DIS3L: variants seen among roughly 807,000 people sequenced by gnomAD.
DIS3L encodes the protein DIS3 like exosome 3'-5' exoribonuclease.
DIS3L carries 100 observed loss-of-function variants against 120.3 expected under a neutral mutation model. That is an observed-to-expected ratio of 0.83 (90% CI 0.71 to 0.98). DIS3L has a LOEUF of 0.98. DIS3L is among the 50% of genes least tolerant of loss of function. The probability of loss-of-function intolerance (pLI) is 0.00; values close to 1 mark genes in which losing one functional copy is unlikely to be tolerated. For missense variants in DIS3L, 1,196 were observed against 1,314.2 expected, an observed-to-expected ratio of 0.91 and a Z score of 1.39; for synonymous variants, 426 against 470.6, an observed-to-expected ratio of 0.91 and a Z score of 1.23.
chr15:66,293,657 A>C lies in DIS3L; in HGVS notation c.61A>C (p.Ile21Leu). Reference protein sequence around the residue: ...LRTFQGRTLRIVREHYLRPCV... With the variant: ...LRTFQGRTLRLVREHYLRPCV... ...GACCTTCCAGGGCCGCACGCTGCGG[A>C]TCGTGCGCGAGCACTACCTGCGGCC... The change falls in exon 1 of 17, where the codon ATC becomes CTC. Residue 21 changes from isoleucine (I) to leucine (L), a missense_variant. Ile to Leu is a conservative substitution (Grantham distance 5). Coordinates refer to ENST00000319212, the MANE Select transcript of DIS3L (RefSeq NM_001143688.3). 6.3e-6 allele frequency: 9 copies of C among 1,433,554 alleles called. No individual in the cohort carries two copies. Among genetic ancestry groups the C allele is most frequent in the Non-Finnish European group, 6.4e-6 (7 of 1,093,424 alleles). 88.8% of individuals were successfully genotyped at this position (1,433,554 alleles called of 1,614,324 possible). A position where few individuals can be genotyped will look rare whatever the true frequency, so the allele number is the denominator to read the frequency against.
chr15:66,320,544 T>G (rs368216174), intron 8 of DIS3L, 27 bp from the exon 9 acceptor site: 62 of 1,600,516 alleles, frequency 3.9e-5, no homozygotes, highest in Admixed American at 6.9e-5. Flanking sequence ...GGTGCTCAGC[T>G]GTGTTTTATT....
Position 66,324,954 on chromosome 15 carries a change from T to C in DIS3L, c.1668-877T>C, listed in dbSNP as rs1001482190. Among the ~76,000 whole-genome samples, 45 of 152,322 alleles carry C rather than the reference T, an allele frequency of 3.0e-4. 1 individual carries two copies. The highest frequency in any genetic ancestry group is 4.4e-5 in the Non-Finnish European group (3 of 68,036). On this transcript the variant is annotated intron_variant, in intron 11 of 16. Transcript: ENST00000319212. Reference sequence around the variant, plus strand: ...AAAATGACTTGGTGGCAAAGAGTTTTTTTACTAAATGAAATTTTTGCTAAT... The same window carrying C: ...AAAATGACTTGGTGGCAAAGAGTTTCTTTACTAAATGAAATTTTTGCTAAT...
intron 4 of DIS3L, among the ~76,000 whole-genome samples, chr15:66,309,606 T>G (rs551402550): frequency 1.3e-5 from 2 of 152,054 alleles, no homozygotes; most frequent in African/African-American, 4.8e-5. Flanking sequence ...ATCTTATTGG[T>G]AAGGAAATGG....
At chr15:66,326,393 TG>T in intron 12 of DIS3L, 29 bp downstream of exon 12, 1 of 1,599,528 alleles carries the variant, frequency 6.3e-7, no homozygotes, top group Non-Finnish European at 8.5e-7. Flanking sequence ...GGCAGAGGAA[TG>T]GAGTGGCATG....
At chr15:66,315,333 CAAA>C in intron 7 of DIS3L, 118 bp downstream of exon 7, 1 of 982,286 alleles carries the variant, frequency 1.0e-6, no homozygotes, top group African/African-American at 1.6e-5. Flanking sequence ...TTTAAATTGA[CAAA>C]AACTGTATTT....
At chr15:66,303,926 TAAAAATACA>T (rs1479992260) in intron 2 of DIS3L, among the ~76,000 whole-genome samples, 226 of 150,284 alleles carry the variant, frequency 1.5e-3, no homozygotes, top group Admixed American at 4.1e-3. Flanking sequence ...CCGTCGCTAC[TAAAAATACA>T]AAAAATTAGC....
chr15:66,296,747 C>G (rs1401673508), intron 2 of DIS3L, among the ~76,000 whole-genome samples: 1 of 152,150 alleles, frequency 6.6e-6, no homozygotes, highest in Non-Finnish European at 1.5e-5. Flanking sequence ...TTGTGTTGAA[C>G]TCCTTACCTC....
In DIS3L at chr15:66,325,925, CTG is replaced by C; in HGVS notation, c.1764_1765del (p.Phe589LeufsTer2). On this transcript the variant is annotated frameshift_variant, in exon 12 of 17. Transcript: ENST00000319212. LOFTEE classifies it high-confidence loss of function. ...AACCATTATTCGATCAGCATACAAA[CTG>C]TTCTATGAAGCAGCCCAAGAACTAC... ...GRTIIRSAYK[L>X]FYEAAQELLD... 6.2e-7 allele frequency: 1 copy of C among 1,614,186 alleles called. No homozygotes were observed.
At chr15:66,305,313 T>A (rs191998324) in intron 2 of DIS3L, among the ~76,000 whole-genome samples, 1 of 152,090 alleles carries the variant, frequency 6.6e-6, no homozygotes, top group East Asian at 1.9e-4. Flanking sequence ...TGAAATCTAT[T>A]TCTTGTTTTC....
chr15:66,326,463 A>G, intron 12 of DIS3L, 99 bp downstream of exon 12: 1 of 1,315,992 alleles, frequency 7.6e-7, no homozygotes, highest in Non-Finnish European at 1.0e-6. Flanking sequence ...TCTTTGACCA[A>G]AAAGAGAAAA....
intron 2 of DIS3L, among the ~76,000 whole-genome samples, chr15:66,304,994 A>ATTTCTTTT (rs2092688726): frequency 7.2e-6 from 1 of 138,818 alleles, no homozygotes; most frequent in East Asian, 2.1e-4. Flanking sequence ...AATAAAATCG[A>ATTTCTTTT]TTTCTTTTTT....
At chr15:66,302,632 T>C (rs904648211) in intron 2 of DIS3L, among the ~76,000 whole-genome samples, 3 of 152,140 alleles carry the variant, frequency 2.0e-5, no homozygotes, top group Admixed American at 2.0e-4. Context: ...TCCGCCCTGC[T>C]CTCGTCTCTT....
Position 66,304,071 on chromosome 15 carries a change from C to T in DIS3L, c.294-2753C>T, listed in dbSNP as rs1595720736. ...TGCCACTGCACTCCAGCCTGGGCAA[C>T]AGAGTGAGACTCTGTTTCAAAAAAA... On this transcript the variant is annotated intron_variant, in intron 2 of 16. Transcript: ENST00000319212. Among the ~76,000 whole-genome samples, 5 of 101,480 alleles carry T rather than the reference C, an allele frequency of 4.9e-5. 1 individual carries two copies. In the Admixed American group the frequency reaches 6.2e-4, roughly 13 times the overall value. 66.6% of individuals were successfully genotyped at this position (101,480 alleles called of 152,430 possible).
At position 66,332,828 on chromosome 15, in the gene DIS3L, C is replaced by T; in HGVS notation, c.2774C>T (p.Ser925Phe). 5 of 1,613,944 alleles carry T rather than the reference C, an allele frequency of 3.1e-6. No homozygotes were observed. Among genetic ancestry groups the T allele is most frequent in the Non-Finnish European group, 2.5e-6 (3 of 1,179,980 alleles). Residue 925 changes from serine to phenylalanine, a missense_variant, in exon 16 of 17, where the codon TCC becomes TTC. Transcript: ENST00000319212. ...PDSCSEWKPG[S>F]LQRFQNKITS... ...AGCTGTTCTGAATGGAAACCAGGATCCCTTCAACGATTTCAAAACAAAATT... is the reference window on the plus strand; with the variant it reads ...AGCTGTTCTGAATGGAAACCAGGATTCCTTCAACGATTTCAAAACAAAATT...
intron 9 of DIS3L, among the ~76,000 whole-genome samples, chr15:66,321,410 C>T (rs566214091): frequency 1.3e-5 from 2 of 152,178 alleles, no homozygotes; most frequent in South Asian, 4.2e-4. Context: ...TTGACGTACC[C>T]TAGTTTGCTT....
chr15:66,332,730 A>C lies in DIS3L; in HGVS notation c.2682-6A>C. ...TCTCTGGATTTATATTCTGGTCATA[A>C]TATAGGTTTGGGATTAAAGGTGCTG... On this transcript the variant is annotated splice_polypyrimidine_tract_variant and splice_region_variant and intron_variant, in intron 15 of 16. Transcript: ENST00000319212. 1 of 1,608,674 alleles carries C rather than the reference A, an allele frequency of 6.2e-7. No homozygotes were observed.
chr15:66,331,016 A>C (rs2092992893), intron 14 of DIS3L, among the ~76,000 whole-genome samples: 1 of 152,072 alleles, frequency 6.6e-6, no homozygotes, highest in African/African-American at 2.4e-5. Context: ...TTAGCCAGGC[A>C]TGGTGGTGCA....
At position 66,333,446 on chromosome 15, in the gene DIS3L, C is replaced by G. The variant is rs58419748; in HGVS notation, c.*134C>G. 9.8e-7 allele frequency: 1 copy of G among 1,018,104 alleles called. No homozygotes were observed. The highest frequency in any genetic ancestry group is 2.7e-5 in the East Asian group (1 of 37,554). 63.1% of individuals were successfully genotyped at this position (1,018,104 alleles called of 1,614,324 possible). On this transcript the variant is annotated 3_prime_UTR_variant, in exon 17 of 17. Coordinates refer to ENST00000319212, the MANE Select transcript of DIS3L (RefSeq NM_001143688.3). ...CTATTTCGCATATATGTAAAATGTT[C>G]TCAGCCGGGCACGGTGGCTCACGCC...
chr15:66,316,693 G>A (rs1395174583), intron 7 of DIS3L, among the ~76,000 whole-genome samples: 1 of 152,176 alleles, frequency 6.6e-6, no homozygotes, highest in African/African-American at 2.4e-5. Context: ...GTGCACACCT[G>A]TAGTCCCAGC....
Sources: gnomAD v4.1 joint callset for allele counts (sites outside exome capture counted in the v4.1 genomes callset) on GRCh38, gnomAD v4.1.1 for gene constraint, MANE v1.5 for transcripts, NCBI Gene and HGNC (gene_info 2026-07-23, HGNC 2026-07-21) for gene names.